GALNTL6: variants seen among roughly 807,000 people sequenced by gnomAD.
GALNTL6 encodes the protein polypeptide N-acetylgalactosaminyltransferase like 6.
GALNTL6 carries 46 observed loss-of-function variants against 73.7 expected under a neutral mutation model. The observed-to-expected ratio is 0.62, with a 90% CI of 0.49 to 0.80. GALNTL6 has a LOEUF of 0.80. Among genes scored for constraint, GALNTL6 ranks in the 30% least tolerant of loss-of-function variants. GALNTL6 has a pLI of 0.00. For missense variants in GALNTL6, 604 were observed against 755.0 expected, an observed-to-expected ratio of 0.80 and a Z score of 2.34; for synonymous variants, 259 against 263.7, an observed-to-expected ratio of 0.98 and a Z score of 0.17.
chr4:171,845,412 G>A (rs922445078), intron 2 of GALNTL6, among the ~76,000 whole-genome samples: 2 of 152,134 alleles, frequency 1.3e-5, no homozygotes, highest in Non-Finnish European at 1.5e-5. Context: ...TCATGTCAGT[G>A]TTAATATCAA....
intron 5 of GALNTL6, among the ~76,000 whole-genome samples, chr4:172,723,429 A>T (rs1735604582): frequency 6.6e-6 from 1 of 152,158 alleles, no homozygotes; most frequent in Admixed American, 6.5e-5. Context: ...TCCTCATCTA[A>T]TCATAGGAAA....
intron 5 of GALNTL6, among the ~76,000 whole-genome samples, chr4:172,415,705 G>A (rs778839766): frequency 2.0e-4 from 30 of 152,112 alleles, no homozygotes; most frequent in Non-Finnish European, 3.5e-4. Flanking sequence ...AGCTCCCTGA[G>A]TGAGCAATTC....
chr4:172,963,692 A>G (rs1433851836), intron 10 of GALNTL6, among the ~76,000 whole-genome samples: 2 of 152,220 alleles, frequency 1.3e-5, no homozygotes, highest in African/African-American at 2.4e-5. Context: ...CACTCCCTCC[A>G]TGGCCACACA....
chr4:172,880,509 T>C (rs1022074896), intron 7 of GALNTL6, among the ~76,000 whole-genome samples: 90 of 151,958 alleles, frequency 5.9e-4, no homozygotes, highest in African/African-American at 2.1e-3. Flanking sequence ...TGGAAGGAAA[T>C]GAGAAGAGAT....
chr4:172,447,953 T>C (rs1259273807), intron 5 of GALNTL6, among the ~76,000 whole-genome samples: 1 of 152,196 alleles, frequency 6.6e-6, no homozygotes, highest in African/African-American at 2.4e-5. Flanking sequence ...ACATATTAAC[T>C]TAGGAGATTA....
chr4:172,064,221 T>C (rs1164382839), intron 2 of GALNTL6, among the ~76,000 whole-genome samples: 1 of 152,208 alleles, frequency 6.6e-6, no homozygotes, highest in Non-Finnish European at 1.5e-5. Context: ...TGCATTGCCC[T>C]CAATTGATTT....
chr4:172,842,132 G>A (rs559253344), intron 7 of GALNTL6, among the ~76,000 whole-genome samples: 11 of 152,256 alleles, frequency 7.2e-5, no homozygotes, highest in African/African-American at 2.4e-4. Flanking sequence ...CTCAAATCTA[G>A]CATTTCTGTC....
At chr4:171,881,190 TA>T (rs1179358451) in intron 2 of GALNTL6, among the ~76,000 whole-genome samples, 1 of 152,192 alleles carries the variant, frequency 6.6e-6, no homozygotes, top group Non-Finnish European at 1.5e-5. Context: ...CGGAATCCAA[TA>T]CATTAATTTC....
In GALNTL6 at chr4:172,804,671, G is replaced by C. The variant is rs190601409; in HGVS notation, c.554-4690G>C. Among the ~76,000 whole-genome samples the C allele has an allele frequency of 5.9e-5, 9 of 152,316 alleles. No homozygotes were observed. The East Asian group carries it at 1.5e-3, about 26-fold the overall frequency. On this transcript the variant is annotated intron_variant, in intron 5 of 12. Transcript: ENST00000506823. Reference sequence around the variant, plus strand: ...AATACTGATGGTCACTAGCTTGTCAGCCCTCTCGGGAACAATCCCTCAAAG... The same window carrying C: ...AATACTGATGGTCACTAGCTTGTCACCCCTCTCGGGAACAATCCCTCAAAG...
intron 11 of GALNTL6, among the ~76,000 whole-genome samples, chr4:173,010,205 C>T (rs947078147): frequency 2.0e-5 from 3 of 152,172 alleles, no homozygotes; most frequent in South Asian, 2.1e-4. Context: ...CTACTATCAT[C>T]TCCATGGGTT....
chr4:172,080,022 A>G lies in GALNTL6; in HGVS notation c.139-149634A>G, dbSNP rs535180486. Among the ~76,000 whole-genome samples the G allele has an allele frequency of 3.3e-5, 5 of 152,148 alleles. No individual in the cohort carries two copies. The South Asian group carries it at 8.3e-4, about 25-fold the overall frequency. On this transcript the variant is annotated intron_variant, in intron 2 of 12. Coordinates refer to ENST00000506823, the MANE Select transcript of GALNTL6 (RefSeq NM_001034845.3). ...ATTATAGACTTATATTTTATGTGTG[A>G]TTTTTACATGTTTTACCATAAAATA...
chr4:173,033,896 C>T (rs1454088476), intron 12 of GALNTL6, among the ~76,000 whole-genome samples: 1 of 152,180 alleles, frequency 6.6e-6, no homozygotes, highest in Non-Finnish European at 1.5e-5. Context: ...AGTCTCCCAA[C>T]TTGACACAGA....
intron 2 of GALNTL6, among the ~76,000 whole-genome samples, chr4:172,058,867 C>T (rs1177149565): frequency 3.3e-5 from 5 of 152,126 alleles, no homozygotes; most frequent in African/African-American, 7.2e-5. Flanking sequence ...ATTTAGAAGA[C>T]GGTGACTTGA....
intron 3 of GALNTL6, among the ~76,000 whole-genome samples, chr4:172,294,905 A>G (rs1031362172): frequency 6.6e-6 from 1 of 152,226 alleles, no homozygotes; most frequent in African/African-American, 2.4e-5. Context: ...TAAAATTTCT[A>G]TACAACATGT....
intron 7 of GALNTL6, among the ~76,000 whole-genome samples, chr4:172,849,052 CT>C (rs1204276618): frequency 2.0e-5 from 3 of 152,016 alleles, no homozygotes; most frequent in African/African-American, 7.2e-5. Flanking sequence ...TCCCCATCCC[CT>C]GAAAGCAACT....
intron 2 of GALNTL6, among the ~76,000 whole-genome samples, chr4:172,225,645 A>C (rs1736833014): frequency 6.6e-6 from 1 of 152,084 alleles, no homozygotes; most frequent in African/African-American, 2.4e-5. Flanking sequence ...GTCCCAGCTT[A>C]CTTGGATGGC....
chr4:172,777,567 A>T (rs1338869560), intron 5 of GALNTL6, among the ~76,000 whole-genome samples: 2 of 152,250 alleles, frequency 1.3e-5, no homozygotes, highest in Non-Finnish European at 2.9e-5. Context: ...ATGAGAAAAC[A>T]TACTTTGCAT....
intron 7 of GALNTL6, among the ~76,000 whole-genome samples, chr4:172,814,958 A>G (rs1741518395): frequency 6.6e-6 from 1 of 152,152 alleles, no homozygotes; most frequent in African/African-American, 2.4e-5. Context: ...AAGAAATAAT[A>G]AAGGACCTTT....
intron 5 of GALNTL6, among the ~76,000 whole-genome samples, chr4:172,656,960 C>T (rs1731062640): frequency 6.6e-6 from 1 of 151,444 alleles, no homozygotes; most frequent in Non-Finnish European, 1.5e-5. Context: ...GTTATGAGCA[C>T]AGGGTAGGGA....
Sources: allele counts gnomAD v4.1 joint callset (sites outside exome capture counted in the v4.1 genomes callset), GRCh38; gene constraint gnomAD v4.1.1; transcripts MANE v1.5; gene names NCBI Gene and HGNC (gene_info 2026-07-23, HGNC 2026-07-21).